TAFA2: variants seen among roughly 807,000 people sequenced by gnomAD.
TAFA2 encodes the protein TAFA chemokine like family member 2, also known as chemokine-like protein TAFA-2.
Under a neutral mutation model 18.8 loss-of-function variants are expected in TAFA2, and 7 were observed. The ratio of observed to expected loss-of-function variants is 0.37; its 90% CI spans 0.21 to 0.70. The LOEUF is 0.70. Ranked by LOEUF, TAFA2 falls within the 30% of genes least tolerant of loss-of-function variation. TAFA2 has a pLI of 0.53. For synonymous variants in TAFA2, 60 were observed against 54.2 expected, an observed-to-expected ratio of 1.11 and a Z score of -0.47; for missense variants, 122 against 158.1, an observed-to-expected ratio of 0.77 and a Z score of 1.23.
At chr12:62,035,709 G>A (rs1881582192) in intron 1 of TAFA2, among the ~76,000 whole-genome samples, 1 of 146,112 alleles carries the variant, frequency 6.8e-6, no homozygotes, top group Non-Finnish European at 1.5e-5. Flanking sequence ...CAGTGCTATT[G>A]ACGCTAGGGG....
chr12:62,143,293 A>G (rs1443713640), intron 1 of TAFA2, among the ~76,000 whole-genome samples: 1 of 152,174 alleles, frequency 6.6e-6, no homozygotes, highest in Admixed American at 6.5e-5. Flanking sequence ...TCCCCCATGG[A>G]TGAGTAGTCA....
chr12:61,834,182 G>A (rs1872826744), intron 2 of TAFA2, among the ~76,000 whole-genome samples: 1 of 151,962 alleles, frequency 6.6e-6, no homozygotes, highest in Non-Finnish European at 1.5e-5. Context: ...AATCAACAAA[G>A]TTTAGACATA....
chr12:61,730,530 G>C (rs1229590772), intron 4 of TAFA2, among the ~76,000 whole-genome samples: 1 of 152,054 alleles, frequency 6.6e-6, no homozygotes, highest in East Asian at 1.9e-4. Context: ...AGACCATCAA[G>C]TGGGTGCAGG....
At chr12:61,979,627 A>C (rs1426989103) in intron 1 of TAFA2, among the ~76,000 whole-genome samples, 1 of 152,126 alleles carries the variant, frequency 6.6e-6, no homozygotes, top group Non-Finnish European at 1.5e-5. Context: ...AAGTATCATC[A>C]GAATTGAAAA....
chr12:61,736,656 T>A (rs1185914256), intron 4 of TAFA2, among the ~76,000 whole-genome samples: 1 of 152,140 alleles, frequency 6.6e-6, no homozygotes, highest in East Asian at 1.9e-4. Flanking sequence ...TACCCCGTTG[T>A]CCTGAATTCC....
chr12:62,010,168 C>T (rs369515339), intron 1 of TAFA2, among the ~76,000 whole-genome samples: 4 of 148,318 alleles, frequency 2.7e-5, no homozygotes, highest in South Asian at 4.5e-4. Flanking sequence ...CCTCCCCCTC[C>T]CCCTCCCTCT....
upstream of TAFA2, among the ~76,000 whole-genome samples, chr12:62,195,470 CA>C (rs1336680449): frequency 2.6e-5 from 4 of 152,126 alleles, no homozygotes; most frequent in African/African-American, 9.7e-5. Context: ...TGTAGCCTAG[CA>C]AAATATATTT....
intron 1 of TAFA2, among the ~76,000 whole-genome samples, chr12:61,963,540 G>A (rs374666608): frequency 2.0e-5 from 3 of 151,920 alleles, no homozygotes; most frequent in African/African-American, 7.2e-5. Context: ...TTTTGATGGG[G>A]TTGTTTAGGG....
intron 1 of TAFA2, among the ~76,000 whole-genome samples, chr12:61,955,647 A>ATATATATATATG (rs1878663285): frequency 2.8e-5 from 2 of 70,706 alleles, no homozygotes; most frequent in African/African-American, 8.3e-5. Context: ...ATATATATAT[A>ATATATATATATG]TATATATATA....
intron 2 of TAFA2, among the ~76,000 whole-genome samples, chr12:61,761,218 C>T (rs1439527711): frequency 6.6e-6 from 1 of 152,008 alleles, no homozygotes; most frequent in Non-Finnish European, 1.5e-5. Flanking sequence ...AAAACCTCTG[C>T]TTCAAGCTGC....
chr12:61,720,957 G>C (rs755541663), intron 4 of TAFA2: 1 of 516,888 alleles, frequency 1.9e-6, no homozygotes, highest in Non-Finnish European at 3.9e-6. Context: ...GCACTCCACT[G>C]TTTAACAGAT....
chr12:61,962,946 A>T (rs185735583), intron 1 of TAFA2, among the ~76,000 whole-genome samples: 1 of 151,876 alleles, frequency 6.6e-6, no homozygotes, highest in Admixed American at 6.6e-5. Flanking sequence ...TCACTGTCCA[A>T]CTCTCACTTA....
Position 61,949,447 on chromosome 12 carries a change from G to C in TAFA2, c.-1-82021C>G, listed in dbSNP as rs573747083. Among the ~76,000 whole-genome samples, 4 of 152,152 alleles carry C rather than the reference G, an allele frequency of 2.6e-5. No homozygotes were observed. The South Asian group carries it at 8.3e-4, about 32-fold the overall frequency. The stretch of plus-strand genomic sequence containing the variant: ...CAGAAGGAAGGCTACTCTAGACCCA[G>C]TACCTATTATAATGACCAGTAGATA... On this transcript the variant is annotated intron_variant, in intron 1 of 4. Coordinates refer to ENST00000416284, the MANE Select transcript of TAFA2 (RefSeq NM_178539.5).
At chr12:62,171,545 T>G (rs1310403608) in intron 1 of TAFA2, among the ~76,000 whole-genome samples, 3 of 152,146 alleles carry the variant, frequency 2.0e-5, no homozygotes, top group African/African-American at 4.8e-5. Context: ...GATCAGATAA[T>G]GAGGGCACAT....
chr12:61,808,647 C>T (rs1269493055), intron 2 of TAFA2, among the ~76,000 whole-genome samples: 2 of 151,216 alleles, frequency 1.3e-5, no homozygotes, highest in Non-Finnish European at 1.5e-5. Flanking sequence ...TTTTTAAAAG[C>T]CTTTAAGTTT....
chr12:61,891,674 A>T (rs904643472), intron 1 of TAFA2, among the ~76,000 whole-genome samples: 3 of 152,084 alleles, frequency 2.0e-5, no homozygotes, highest in Non-Finnish European at 2.9e-5. Context: ...AGAAAAAAGA[A>T]GGTAGAGTAG....
intron 1 of TAFA2, among the ~76,000 whole-genome samples, chr12:62,243,483 A>G (rs780688491): frequency 8.5e-5 from 13 of 152,220 alleles, no homozygotes; most frequent in Non-Finnish European, 1.0e-4. Flanking sequence ...ATACATACTC[A>G]TGACTATTTG....
At chr12:61,794,200 T>A (rs1453273350) in intron 2 of TAFA2, among the ~76,000 whole-genome samples, 1 of 152,032 alleles carries the variant, frequency 6.6e-6, no homozygotes, top group East Asian at 1.9e-4. Flanking sequence ...TTCTAACTAG[T>A]TCAGTCAGGC....
chr12:61,868,713 T>C (rs757896499), intron 1 of TAFA2, among the ~76,000 whole-genome samples: 1 of 152,146 alleles, frequency 6.6e-6, no homozygotes, highest in Non-Finnish European at 1.5e-5. Context: ...TTATATATTA[T>C]GTATTTTAAT....
Sources: gnomAD v4.1 joint callset for allele counts (sites outside exome capture counted in the v4.1 genomes callset) on GRCh38, gnomAD v4.1.1 for gene constraint, MANE v1.5 for transcripts, NCBI Gene and HGNC (gene_info 2026-07-23, HGNC 2026-07-21) for gene names.